The following SNRPA1 variants were observed in gnomAD, a reference collection of about 807,000 sequenced individuals.
The protein encoded by SNRPA1 is U2 small nuclear ribonucleoprotein A'.
In SNRPA1, 5 loss-of-function variants were observed where a neutral mutation model predicts 32.3. That is an observed-to-expected ratio of 0.15 (90% confidence interval 0.08 to 0.33). The LOEUF is 0.33. SNRPA1 is among the 10% of genes least tolerant of loss of function. The pLI, the probability that SNRPA1 is intolerant of heterozygous loss-of-function variation, is 1.00. For missense variants in SNRPA1, 198 were observed against 311.1 expected (o/e 0.64, Z 2.74); for synonymous variants, 111 against 120.1 (o/e 0.92, Z 0.50).
intron 1 of SNRPA1, 68 bp from the exon 2 acceptor site, chr15:101,293,240 G>C: frequency 9.0e-7 from 1 of 1,106,926 alleles, no homozygotes; most frequent in East Asian, 2.6e-5. Flanking sequence ...TAAAGCATTA[G>C]CTGTATTTCA....
At position 101,285,791 on chromosome 15, in the gene SNRPA1, C is replaced by T; in HGVS notation, c.550G>A (p.Gly184Ser). ...TTTTTGTCAGTTGGCAAACCAGCAC[C>T]TGGATTAAAACTTAAGAGGGGGAAG... is the stretch of plus-strand genomic sequence containing the variant. ...IARRSKTFNP[G>S]AGLPTDKKKG... is the part of the protein sequence containing the mutation. The change falls in exon 7 of 9, where the codon GGT becomes AGT. Residue 184 changes from glycine to serine, a missense_variant. By Grantham distance (56) the Gly-to-Ser change is moderately conservative (BLOSUM62 0). Coordinates refer to ENST00000254193, the MANE Select transcript of SNRPA1 (RefSeq NM_003090.4). The T allele has an allele frequency of 6.2e-7, 1 of 1,613,392 alleles. No individual in the cohort carries two copies. Among genetic ancestry groups the T allele is most frequent in the Non-Finnish European group, 8.5e-7 (1 of 1,179,628 alleles).
intron 3 of SNRPA1, among the ~76,000 whole-genome samples, chr15:101,291,044 T>TA (rs34395001): frequency 6.6e-6 from 1 of 151,826 alleles, no homozygotes; most frequent in Non-Finnish European, 1.5e-5. Context: ...CCGGCTTTTC[T>TA]AAAAAAATTA....
At chr15:101,285,999 A>C (rs1391749166) in intron 6 of SNRPA1, 198 bp from the exon 7 acceptor site, 3 of 630,738 alleles carry the variant, frequency 4.8e-6, no homozygotes, top group Non-Finnish European at 8.4e-6. Context: ...ATGGTATCAC[A>C]TGAAGACTGA....
intron 2 of SNRPA1, among the ~76,000 whole-genome samples, chr15:101,292,325 A>AT (rs1304356422): frequency 6.6e-6 from 1 of 152,208 alleles, no homozygotes; most frequent in Non-Finnish European, 1.5e-5. Context: ...TCACTTCATG[A>AT]TTTTTTGTGC....
intron 5 of SNRPA1, chr15:101,286,669 T>C (rs775525464): frequency 6.2e-6 from 3 of 485,712 alleles, no homozygotes; most frequent in African/African-American, 2.0e-5. Context: ...CTGCTCACCG[T>C]GGCCTCAGCA....
chr15:101,281,874 A>G, intron 8 of SNRPA1, 92 bp from the exon 9 acceptor site: 1 of 1,204,954 alleles, frequency 8.3e-7, no homozygotes, highest in Non-Finnish European at 1.2e-6. Context: ...ACTGTTTGTT[A>G]CACACTGAAG....
chr15:101,281,605 TAA>T lies in SNRPA1; in HGVS notation c.*117_*118del. The T allele has an allele frequency of 1.4e-6, 1 of 727,046 alleles. No individual in the cohort carries two copies. Among genetic ancestry groups the T allele is most frequent in the Non-Finnish European group, 2.5e-6 (1 of 404,112 alleles). 45.0% of individuals were successfully genotyped at this position (727,046 alleles called of 1,614,324 possible). A position where few individuals can be genotyped will look rare whatever the true frequency, so the allele number is the denominator to read the frequency against. ...ATTACAAAATTATCAGCAGCAGTCT[TAA>T]GCATTTCAACAATGCTGATAGATTC... On this transcript the variant is annotated 3_prime_UTR_variant, in exon 9 of 9. Coordinates refer to ENST00000254193, the MANE Select transcript of SNRPA1 (RefSeq NM_003090.4).
At chr15:101,293,865 T>A (rs1262026250) in intron 1 of SNRPA1, among the ~76,000 whole-genome samples, 40 of 152,240 alleles carry the variant, frequency 2.6e-4, no homozygotes, top group Non-Finnish European at 2.9e-5. Flanking sequence ...AGAGCTGTAC[T>A]ACACGTACTG....
In SNRPA1 at chr15:101,293,060, T is replaced by C. The variant is rs754861882; in HGVS notation, c.195A>G (p.Arg65=). Residue 65 remains arginine (R), a synonymous_variant, in exon 2 of 9, where the codon AGA becomes AGG. Transcript: ENST00000254193. ...TGTTGTTCACTAACAATGTTTTCAG[T>C]CTTCTCAACAAAGGAAAACCATCCA... The part of the protein sequence containing the change: ...RKLDGFPLLR[R]LKTLLVNNNR... The C allele has an allele frequency of 1.2e-5, 20 of 1,611,848 alleles. No homozygotes were observed. The highest frequency in any genetic ancestry group is 1.7e-5 in the Non-Finnish European group (20 of 1,179,214).
chr15:101,295,131 G>A lies in SNRPA1; in HGVS notation c.48C>T (p.Thr16=). The change falls in exon 1 of 9, where the codon ACC becomes ACT. Residue 16 remains threonine, a synonymous_variant. Coordinates refer to ENST00000254193, the MANE Select transcript of SNRPA1 (RefSeq NM_003090.4). Reference sequence around the variant, plus strand: ...CCAGCTCCCGGTCGCGCACCGCGTTGGTGTACTGCGCCGCCTGCTCGATCA... The same window carrying A: ...CCAGCTCCCGGTCGCGCACCGCGTTAGTGTACTGCGCCGCCTGCTCGATCA... ...AELIEQAAQY[T]NAVRDRELDL... 1 of 1,554,166 alleles carries A rather than the reference G, an allele frequency of 6.4e-7. No homozygotes were observed. Among genetic ancestry groups the A allele is most frequent in the Non-Finnish European group, 8.7e-7 (1 of 1,154,300 alleles).
chr15:101,292,603 AAGC>A (rs2039538325), intron 2 of SNRPA1, among the ~76,000 whole-genome samples: 1 of 148,888 alleles, frequency 6.7e-6, no homozygotes, highest in African/African-American at 2.5e-5. Flanking sequence ...AAAAAAAAAA[AAGC>A]AGAGACGCTC....
chr15:101,294,907 A>G, intron 1 of SNRPA1, 190 bp downstream of exon 1: 4 of 451,752 alleles, frequency 8.9e-6, no homozygotes, highest in Non-Finnish European at 7.9e-6. Context: ...GAAGGCTCCC[A>G]GGAGCTTAAC....
At chr15:101,290,297 C>G (rs1021048730) in intron 3 of SNRPA1, among the ~76,000 whole-genome samples, 3 of 152,184 alleles carry the variant, frequency 2.0e-5, no homozygotes, top group Non-Finnish European at 4.4e-5. Flanking sequence ...GCCCAGTAGT[C>G]TTCATCTTTG....
intron 1 of SNRPA1, 32 bp downstream of exon 1, chr15:101,295,065 T>A: frequency 7.2e-7 from 1 of 1,388,676 alleles, no homozygotes; most frequent in Non-Finnish European, 9.6e-7. Flanking sequence ...CGGTGCCGCC[T>A]GGGGACTGGC....
At chr15:101,293,739 G>A (rs1438389735) in intron 1 of SNRPA1, among the ~76,000 whole-genome samples, 1 of 152,130 alleles carries the variant, frequency 6.6e-6, no homozygotes, top group African/African-American at 2.4e-5. Flanking sequence ...ACACTCAAAT[G>A]TTAATTTGTC....
In SNRPA1 at chr15:101,281,519, T is replaced by C. The variant is rs998640938; in HGVS notation, c.*205A>G. The stretch of plus-strand genomic sequence containing the variant: ...CATGATGACACACAACTTGGTAGCA[T>C]AGTGAGTGGAGTTTATTTTTATAAT... On this transcript the variant is annotated 3_prime_UTR_variant, in exon 9 of 9. Transcript: ENST00000254193. The C allele has an allele frequency of 5.6e-6, 3 of 540,122 alleles. No homozygotes were observed. Among genetic ancestry groups the C allele is most frequent in the East Asian group, 6.4e-5 (2 of 31,022 alleles). The allele number at this position is 540,122 out of a possible 1,614,324, so 33.5% of individuals were successfully genotyped here.
In SNRPA1 at chr15:101,286,273, T is replaced by G. The variant is rs1459858540; in HGVS notation, c.480A>C (p.Lys160Asn). Residue 160 changes from lysine to asparagine, a missense_variant, in exon 6 of 9, where the codon AAA (lysine) becomes AAC (asparagine). Lys to Asn is a moderately conservative substitution (Grantham distance 94). Coordinates refer to ENST00000254193, the MANE Select transcript of SNRPA1 (RefSeq NM_003090.4). ...GTGCACCCCGTTTGCCCTTGAACATTTTCTCTGCTTCCTGACGCTCCTACA... is the reference window on the plus strand; with the variant it reads ...GTGCACCCCGTTTGCCCTTGAACATGTTCTCTGCTTCCTGACGCTCCTACA... Reference protein sequence around the residue: ...VKLKERQEAEKMFKGKRGAQL... With the variant: ...VKLKERQEAENMFKGKRGAQL... The G allele has an allele frequency of 6.2e-7, 1 of 1,614,054 alleles. No homozygotes were observed. Among genetic ancestry groups the G allele is most frequent in the African/African-American group, 1.3e-5 (1 of 74,924 alleles).
chr15:101,287,057 C>A, intron 4 of SNRPA1, 47 bp from the exon 5 acceptor site: 3 of 981,022 alleles, frequency 3.1e-6, no homozygotes, highest in Non-Finnish European at 4.9e-6. Flanking sequence ...CATGGCACAG[C>A]ACTCAAGAGG....
intron 3 of SNRPA1, 138 bp from the exon 4 acceptor site, chr15:101,287,840 G>A: frequency 1.4e-6 from 1 of 695,886 alleles, no homozygotes. Context: ...CCCAATACTA[G>A]CACATCACAA....
Sources: allele counts gnomAD v4.1 joint callset (sites outside exome capture counted in the v4.1 genomes callset), GRCh38; gene constraint gnomAD v4.1.1; transcripts MANE v1.5; gene names NCBI Gene and HGNC (gene_info 2026-07-23, HGNC 2026-07-21).